PTPRN: variants seen among roughly 807,000 people sequenced by gnomAD.
The protein encoded by PTPRN is protein tyrosine phosphatase receptor type N.
PTPRN carries 70 observed loss-of-function variants against 108.5 expected under a neutral mutation model. The ratio of observed to expected loss-of-function variants is 0.65; its 90% confidence interval spans 0.53 to 0.79. PTPRN has a LOEUF of 0.79. Among genes scored for constraint, PTPRN ranks in the 30% least tolerant of loss-of-function variants. PTPRN has a pLI of 0.00. For missense variants in PTPRN, 1,136 were observed against 1,295.5 expected, an observed-to-expected ratio of 0.88 and a Z score of 1.89; for synonymous variants, 496 against 524.6, an observed-to-expected ratio of 0.95 and a Z score of 0.75.
At position 219,290,979 on chromosome 2, in the gene PTPRN, G is replaced by GT. The variant is rs2125087501; in HGVS notation, c.2730-90_2730-89insA. The stretch of plus-strand genomic sequence containing the variant: ...GGCGAGGAGGCCTGGAGGCCTGGGG[G>GT]AGGGGAGGACACTGGGTGACCCGTT... On this transcript the variant is annotated intron_variant, in intron 20 of 22. Transcript: ENST00000295718. This position sits in a 1 kb window ranked among gnomAD's most constrained non-coding sequence, Gnocchi z 4.2. 7.6e-7 allele frequency: 1 copy of GT among 1,318,458 alleles called. No homozygotes were observed. Among genetic ancestry groups the GT allele is most frequent in the Admixed American group, 1.7e-5 (1 of 58,400 alleles). 81.7% of individuals were successfully genotyped at this position (1,318,458 alleles called of 1,614,324 possible). A position where few individuals can be genotyped will look rare whatever the true frequency, so the allele number is the denominator to read the frequency against.
chr2:219,294,605 C>T (rs918795382), intron 19 of PTPRN, among the ~76,000 whole-genome samples: 1 of 140,948 alleles, frequency 7.1e-6, no homozygotes, highest in Non-Finnish European at 1.5e-5. Flanking sequence ...CTGGAGACAG[C>T]GGGGCAGGAG....
chr2:219,290,131 G>C lies in PTPRN; in HGVS notation c.*95C>G. The C allele has an allele frequency of 8.5e-7, 1 of 1,179,610 alleles. No homozygotes were observed. The highest frequency in any genetic ancestry group is 1.3e-6 in the Non-Finnish European group (1 of 794,828). 73.1% of individuals were successfully genotyped at this position (1,179,610 alleles called of 1,614,324 possible). On this transcript the variant is annotated 3_prime_UTR_variant, in exon 23 of 23. Coordinates refer to ENST00000295718, the MANE Select transcript of PTPRN (RefSeq NM_002846.4). The surrounding 1 kb of genome is among the most constrained non-coding windows in gnomAD (Gnocchi z 4.2). ...AGGAAGGGCTGAGCATGCCCAAGAG[G>C]TGGCTGGTGGGGCAGTGAGGAGTGG...
Position 219,296,798 on chromosome 2 carries a change from T to G in PTPRN, c.2261A>C (p.Lys754Thr). The change falls in exon 16 of 23, where the codon AAG (lysine) becomes ACG (threonine). Residue 754 changes from lysine (K) to threonine (T), a missense_variant. Lys to Thr is a moderately conservative substitution (Grantham distance 78). Transcript: ENST00000295718. The surrounding 1 kb of genome is among the most constrained non-coding windows in gnomAD (Gnocchi z 6.0). ...LPYDHARIKL[K>T]VESSPSRSDY... ...GCTCCGAGAAGGGCTGCTCTCCACCTTCAGTTTTATGCGGGCATGGTCATC... is the reference window on the plus strand; with the variant it reads ...GCTCCGAGAAGGGCTGCTCTCCACCGTCAGTTTTATGCGGGCATGGTCATC... The G allele has an allele frequency of 6.2e-7, 1 of 1,613,854 alleles. No individual in the cohort carries two copies. Among genetic ancestry groups the G allele is most frequent in the Non-Finnish European group, 8.5e-7 (1 of 1,179,928 alleles).
intron 1 of PTPRN, 42 bp downstream of exon 1, chr2:219,309,176 T>TGCCCCCCCCCCCCCC: frequency 1.5e-6 from 2 of 1,364,360 alleles, no homozygotes; most frequent in African/African-American, 1.6e-5. Context: ...CCCAAGCTGC[T>TGCCCCCCCCCCCCCC]CCCCGCCCCC....
chr2:219,296,207 G>A lies in PTPRN; in HGVS notation c.2508+19C>T, dbSNP rs1376585917. The A allele has an allele frequency of 6.2e-7, 1 of 1,613,700 alleles. No individual in the cohort carries two copies. Among genetic ancestry groups the A allele is most frequent in the Admixed American group, 1.7e-5 (1 of 60,000 alleles). On this transcript the variant is annotated intron_variant, in intron 18 of 22. Transcript: ENST00000295718. The surrounding 1 kb of genome is among the most constrained non-coding windows in gnomAD (Gnocchi z 6.0). ...CTCTTCCCACATCCATTGTCCCCTT[G>A]CTGTGGGGCCCTGCTGACCTCATAT...
At chr2:219,304,965 A>G (rs1952446497) in intron 3 of PTPRN, among the ~76,000 whole-genome samples, 1 of 152,078 alleles carries the variant, frequency 6.6e-6, no homozygotes, top group African/African-American at 2.4e-5. Context: ...TTCCCTCTTA[A>G]TCCACTTTAT....
rs368756139 is a variant in PTPRN, at chr2:219,290,801, C to T, written c.2794+25G>A. 8.9e-5 allele frequency: 144 copies of T among 1,611,270 alleles called. No individual in the cohort carries two copies. The Middle Eastern group carries it at 9.9e-4, about 11-fold the overall frequency. On this transcript the variant is annotated intron_variant, in intron 21 of 22. Coordinates refer to ENST00000295718, the MANE Select transcript of PTPRN (RefSeq NM_002846.4). The surrounding 1 kb of genome is among the most constrained non-coding windows in gnomAD (Gnocchi z 4.2). Reference sequence around the variant, plus strand: ...GCCTCTAAAAAGGGCCTGGGGGCTGCGGGCACCGTGGGGAAGCTCCCTACC... The same window carrying T: ...GCCTCTAAAAAGGGCCTGGGGGCTGTGGGCACCGTGGGGAAGCTCCCTACC...
At position 219,309,339 on chromosome 2, in the gene PTPRN, G is replaced by C. The variant is rs1310033087; in HGVS notation, c.-7C>G. The C allele has an allele frequency of 7.1e-7, 1 of 1,409,372 alleles. No homozygotes were observed. Among genetic ancestry groups the C allele is most frequent in the Non-Finnish European group, 9.4e-7 (1 of 1,068,108 alleles). The allele number at this position is 1,409,372 out of a possible 1,614,324, so 87.3% of individuals were successfully genotyped here. A position where few individuals can be genotyped will look rare whatever the true frequency, so the allele number is the denominator to read the frequency against. On this transcript the variant is annotated 5_prime_UTR_variant, in exon 1 of 23. Coordinates refer to ENST00000295718, the MANE Select transcript of PTPRN (RefSeq NM_002846.4). ...GCCGCCGCGGGCGCCGCATCTTTCC[G>C]AGCTCCGGGCGCTCGCTCCCGGGCC...
intron 1 of PTPRN, 46 bp downstream of exon 1, chr2:219,309,172 C>A (rs1202736674): frequency 1.4e-6 from 2 of 1,445,700 alleles, no homozygotes; most frequent in Admixed American, 2.0e-5. Context: ...AGGCCCCAAG[C>A]TGCTCCCCGC....
At chr2:219,303,073 A>T (rs1172879654) in intron 4 of PTPRN, among the ~76,000 whole-genome samples, 1 of 152,210 alleles carries the variant, frequency 6.6e-6, no homozygotes, top group Non-Finnish European at 1.5e-5. Context: ...AGTCTCTGAA[A>T]CAACTGCAAA....
chr2:219,296,390 ACCT>A lies in PTPRN; in HGVS notation c.2388+46_2389-46del. On this transcript the variant is annotated intron_variant, in intron 17 of 22. Transcript: ENST00000295718. This position sits in a 1 kb window ranked among gnomAD's most constrained non-coding sequence, Gnocchi z 6.0. ...TGAGCTCCACTCTAACCTCCCTGGGACCTCGTGGCCACAAGGACCCCAGCGAAG... is the reference window on the plus strand; with the variant it reads ...TGAGCTCCACTCTAACCTCCCTGGGACGTGGCCACAAGGACCCCAGCGAAG... The A allele has an allele frequency of 9.3e-6, 15 of 1,613,990 alleles. No homozygotes were observed. Among genetic ancestry groups the A allele is most frequent in the Non-Finnish European group, 1.3e-5 (15 of 1,179,942 alleles).
rs1456025659 is a variant in PTPRN, at chr2:219,296,616, TC to T, written c.2311-101del. On this transcript the variant is annotated intron_variant, in intron 16 of 22. Transcript: ENST00000295718. The surrounding 1 kb of genome is among the most constrained non-coding windows in gnomAD (Gnocchi z 6.0). ...GTCAGGGTCTGAGAAGGCTGGCAGT[TC>T]CCCCTTGCTAGGATATCAGGCCCCA... 1.3e-6 allele frequency: 2 copies of T among 1,561,812 alleles called. No homozygotes were observed. Among genetic ancestry groups the T allele is most frequent in the Admixed American group, 1.7e-5 (1 of 57,898 alleles).
At chr2:219,303,939 G>T in intron 3 of PTPRN, 108 bp from the exon 4 acceptor site, 1 of 809,982 alleles carries the variant, frequency 1.2e-6, no homozygotes, top group Non-Finnish European at 1.9e-6. Context: ...CATGGGGTTT[G>T]TCAGAGTAGA....
intron 19 of PTPRN, chr2:219,292,647 G>A (rs1265622065): frequency 6.6e-6 from 1 of 152,172 alleles, no homozygotes; most frequent in East Asian, 1.9e-4. Flanking sequence ...CCCTTGCTAT[G>A]TATCAGGCAC....
intron 3 of PTPRN, among the ~76,000 whole-genome samples, chr2:219,305,352 C>T (rs1952456264): frequency 6.6e-6 from 1 of 151,902 alleles, no homozygotes; most frequent in African/African-American, 2.4e-5. Flanking sequence ...AAGTGATTCT[C>T]CTGCCTCAGC....
intron 19 of PTPRN, chr2:219,292,003 G>T (rs1179558163): frequency 5.6e-6 from 1 of 178,690 alleles, no homozygotes; most frequent in African/African-American, 2.4e-5. Flanking sequence ...GTGACTTCAA[G>T]GGTGTCAGTC....
In PTPRN at chr2:219,298,007, C is replaced by T; in HGVS notation, c.1765G>A (p.Gly589Arg). The T allele has an allele frequency of 6.2e-7, 1 of 1,614,004 alleles. No homozygotes were observed. The highest frequency in any genetic ancestry group is 1.1e-5 in the South Asian group (1 of 91,086). Residue 589 changes from glycine (G) to arginine (R), a missense_variant, in exon 13 of 23, where the codon GGG becomes AGG. By Grantham distance (125) the Gly-to-Arg change is moderately radical. Transcript: ENST00000295718. ...LTLVALAGVA[G>R]LLVALAVALC... ...GCCACAGCCAGAGCCACCAGCAGCC[C>T]AGCCACACCTGCCAGGGCCACCAGA...
intron 12 of PTPRN, 75 bp from the exon 13 acceptor site, chr2:219,298,178 A>G (rs914613228): frequency 4.2e-6 from 6 of 1,415,882 alleles, no homozygotes; most frequent in Non-Finnish European, 5.9e-6. Context: ...CCCCGGTCCC[A>G]TGCCACACCC....
Position 219,309,313 on chromosome 2 carries a change from G to C in PTPRN, c.20C>G (p.Pro7Arg). 6.7e-7 allele frequency: 1 copy of C among 1,484,380 alleles called. No homozygotes were observed. The highest frequency in any genetic ancestry group is 2.3e-5 in the Admixed American group (1 of 43,516). The allele number at this position is 1,484,380 out of a possible 1,614,324, so 92.0% of individuals were successfully genotyped here. A position where few individuals can be genotyped will look rare whatever the true frequency, so the allele number is the denominator to read the frequency against. MRRPRR[P>R]GGLGGSGGLR... The stretch of plus-strand genomic sequence containing the variant: ...ACCCCCGGATCCCCCGAGACCCCCA[G>C]GCCGCCGCGGGCGCCGCATCTTTCC... The change falls in exon 1 of 23, where the codon CCT becomes CGT. Residue 7 changes from proline (P) to arginine (R), a missense_variant. Physicochemically the swap from Pro to Arg is moderately radical, Grantham distance 103. Transcript: ENST00000295718.
Sources: gnomAD v4.1 joint callset for allele counts (sites outside exome capture counted in the v4.1 genomes callset) on GRCh38, gnomAD v4.1.1 for gene constraint, Gnocchi (gnomAD v3.1) non-coding constraint, MANE v1.5 for transcripts, NCBI Gene and HGNC (gene_info 2026-07-23, HGNC 2026-07-21) for gene names.